Variants in ZNF106 observed in about 807,000 individuals in gnomAD.
ZNF106 encodes zinc finger protein 106.
Under a neutral mutation model 195.1 loss-of-function variants are expected in ZNF106, and 67 were observed. The observed-to-expected ratio is 0.34, with a 90% confidence interval of 0.28 to 0.42. The LOEUF is 0.42. ZNF106 is among the 10% of genes least tolerant of loss of function. The pLI is 1.00. For missense variants in ZNF106, 2,118 were observed against 2,304.5 expected, an observed-to-expected ratio of 0.92 and a Z score of 1.66; for synonymous variants, 784 against 818.6, an observed-to-expected ratio of 0.96 and a Z score of 0.72.
intron 18 of ZNF106, 126 bp from the exon 19 acceptor site, chr15:42,422,114 T>A: frequency 2.9e-6 from 2 of 681,898 alleles, no homozygotes; most frequent in Non-Finnish European, 4.5e-6. Flanking sequence ...ACCAGTAGCA[T>A]TCTAACAGAA....
At chr15:42,418,349 C>T (rs988562144) in intron 20 of ZNF106, among the ~76,000 whole-genome samples, 3 of 147,052 alleles carry the variant, frequency 2.0e-5, no homozygotes, top group Admixed American at 1.4e-4. Flanking sequence ...CCTATAATAT[C>T]GAAAGGGCTT....
At chr15:42,424,306 A>G (rs1219603159) in intron 16 of ZNF106, 4 of 475,110 alleles carry the variant, frequency 8.4e-6, no homozygotes, top group Non-Finnish European at 1.5e-5. Context: ...AGCAGCCTAG[A>G]AGGGCATTCG....
At chr15:42,428,815 G>C (rs142614200) in intron 14 of ZNF106, among the ~76,000 whole-genome samples, 2,286 of 152,152 alleles carry the variant, frequency 0.015, 60 homozygotes, top group African/African-American at 0.053. Context: ...CCAGGCTGGA[G>C]TGCAGTGGTG....
At chr15:42,422,055 A>C in intron 18 of ZNF106, 67 bp from the exon 19 acceptor site, 2 of 1,413,610 alleles carry the variant, frequency 1.4e-6, no homozygotes, top group Non-Finnish European at 1.9e-6. Context: ...TACAGTCCCT[A>C]AAGGCCTTTG....
rs755644369 is a variant in ZNF106, at chr15:42,448,557, A to T, written c.2650T>A (p.Ser884Thr). ...SPGLARKRSL[S>T]ESSVIMDRAP... is the part of the protein sequence containing the mutation. ...CTGTCCATGATCACGCTGCTCTCAG[A>T]AAGGCTTCGCTTTCTTGCCAAGCCA... Residue 884 changes from serine (S) to threonine (T), a missense_variant, in exon 6 of 22, where the codon TCT becomes ACT. Physicochemically the swap from Ser to Thr is moderately conservative, Grantham distance 58. Transcript: ENST00000564754. 1 of 1,614,120 alleles carries T rather than the reference A, an allele frequency of 6.2e-7. No individual in the cohort carries two copies. The highest frequency in any genetic ancestry group is 1.1e-5 in the South Asian group (1 of 91,082).
intron 1 of ZNF106, among the ~76,000 whole-genome samples, chr15:42,478,246 C>T (rs1341859528): frequency 6.6e-6 from 1 of 152,194 alleles, no homozygotes; most frequent in East Asian, 1.9e-4. Context: ...TCACTGCAAC[C>T]TCTGCCTCCT....
chr15:42,464,019 A>G (rs530574800), intron 3 of ZNF106, among the ~76,000 whole-genome samples: 52 of 152,276 alleles, frequency 3.4e-4, no homozygotes, highest in African/African-American at 1.2e-3. Flanking sequence ...ATAAATTTCA[A>G]ATGACCTAGG....
chr15:42,446,601 T>C lies in ZNF106; in HGVS notation c.3193A>G (p.Lys1065Glu), dbSNP rs989360450. ...TTCTGCACCATACCTTTTTTTCCTT[T>C]AATTTTCCTTCTTTTATTTTTTCTC... ...LERKNKRRKI[K>E]GKKERSQVDQ... Residue 1065 changes from lysine (K) to glutamate (E), a missense_variant, in exon 7 of 22, where the codon AAA becomes GAA. By Grantham distance (56) the Lys-to-Glu change is moderately conservative. Coordinates refer to ENST00000564754, the MANE Select transcript of ZNF106 (RefSeq NM_001366845.3). 6.3e-7 allele frequency: 1 copy of C among 1,597,996 alleles called. No individual in the cohort carries two copies. The highest frequency in any genetic ancestry group is 8.5e-7 in the Non-Finnish European group (1 of 1,169,980).
At chr15:42,433,644 G>C (rs984169519) in intron 14 of ZNF106, among the ~76,000 whole-genome samples, 1 of 150,392 alleles carries the variant, frequency 6.6e-6, no homozygotes, top group South Asian at 2.1e-4. Flanking sequence ...CACCACACCC[G>C]ACTAATTTTC....
At chr15:42,447,660 T>C (rs953647323) in intron 6 of ZNF106, among the ~76,000 whole-genome samples, 3 of 152,216 alleles carry the variant, frequency 2.0e-5, no homozygotes, top group Non-Finnish European at 4.4e-5. Flanking sequence ...ACCATCTTAG[T>C]GTTAAGCCTA....
chr15:42,478,322 C>T (rs1033407991), intron 1 of ZNF106, among the ~76,000 whole-genome samples: 8 of 151,844 alleles, frequency 5.3e-5, no homozygotes, highest in Non-Finnish European at 1.0e-4. Context: ...CGCCACCATG[C>T]CCCGCTAATT....
At chr15:42,457,428 A>T in intron 3 of ZNF106, 4 of 1,336,500 alleles carry the variant, frequency 3.0e-6, no homozygotes, top group Non-Finnish European at 3.8e-6. Context: ...GAATTGCTGT[A>T]CTTAAAATCT....
intron 17 of ZNF106, among the ~76,000 whole-genome samples, chr15:42,423,370 CAA>C (rs113979691): frequency 8.1e-5 from 11 of 135,124 alleles, no homozygotes; most frequent in Non-Finnish European, 8.0e-5. Context: ...ACCCCTATCT[CAA>C]AAAAAAAAAA....
chr15:42,458,671 G>A (rs1368156860), intron 3 of ZNF106, among the ~76,000 whole-genome samples: 4 of 151,176 alleles, frequency 2.6e-5, no homozygotes, highest in Non-Finnish European at 5.9e-5. Context: ...TTACACCACT[G>A]CACTCCAGCC....
At chr15:42,488,200 G>A (rs553822593) in intron 1 of ZNF106, among the ~76,000 whole-genome samples, 1 of 152,232 alleles carries the variant, frequency 6.6e-6, no homozygotes, top group Non-Finnish European at 1.5e-5. Flanking sequence ...CAGAACCCAT[G>A]GACGGATATG....
intron 3 of ZNF106, chr15:42,457,464 G>A: frequency 8.0e-7 from 1 of 1,246,674 alleles, no homozygotes; most frequent in South Asian, 1.9e-5. Context: ...GGTGAAAGGG[G>A]AGGCAGGGCA....
intron 1 of ZNF106, among the ~76,000 whole-genome samples, chr15:42,473,655 A>G (rs911641246): frequency 2.6e-5 from 4 of 152,052 alleles, no homozygotes; most frequent in African/African-American, 9.7e-5. Context: ...CTCTCCACAT[A>G]GTTCCAGTTT....
intron 3 of ZNF106, among the ~76,000 whole-genome samples, chr15:42,459,872 C>T (rs1181499335): frequency 6.6e-6 from 1 of 151,520 alleles, no homozygotes; most frequent in African/African-American, 2.4e-5. Flanking sequence ...AACCCCATCT[C>T]TACTAAAAAA....
chr15:42,433,813 T>G (rs1335297873), intron 14 of ZNF106, among the ~76,000 whole-genome samples: 1 of 152,156 alleles, frequency 6.6e-6, no homozygotes, highest in African/African-American at 2.4e-5. Flanking sequence ...ACCTAATAAC[T>G]TATTAGAAAT....
Sources: gnomAD v4.1 joint callset for allele counts (sites outside exome capture counted in the v4.1 genomes callset) on GRCh38, gnomAD v4.1.1 for gene constraint, MANE v1.5 for transcripts, NCBI Gene and HGNC (gene_info 2026-07-23, HGNC 2026-07-21) for gene names.